DDX10: variants seen among roughly 807,000 people sequenced by gnomAD.
The protein encoded by DDX10 is DEAD-box helicase 10, also known as probable ATP-dependent RNA helicase DDX10.
In DDX10, 74 loss-of-function variants were observed where a neutral mutation model predicts 104.3. The ratio of observed to expected loss-of-function variants is 0.71; its 90% CI spans 0.59 to 0.86. The LOEUF (loss-of-function observed/expected upper bound fraction) is 0.86, where lower values mean the gene tolerates loss of function less well. DDX10 is among the 40% of genes least tolerant of loss of function. DDX10 has a pLI of 0.00. For synonymous variants in DDX10, 351 were observed against 353.4 expected (o/e 0.99, Z 0.08); for missense variants, 952 against 1,040.0 (o/e 0.92, Z 1.16).
chr11:108,757,854 T>A (rs2134511961), intron 13 of DDX10, among the ~76,000 whole-genome samples: 1 of 152,184 alleles, frequency 6.6e-6, no homozygotes, highest in East Asian at 1.9e-4. Context: ...GACTCTGTGA[T>A]CGATCTCTTA....
Position 108,784,848 on chromosome 11 carries a change from C to G in DDX10, c.1966-53598C>G, listed in dbSNP as rs189152211. Among the ~76,000 whole-genome samples, 136 of 152,158 alleles carry G rather than the reference C, an allele frequency of 8.9e-4. 1 individual carries two copies. Among genetic ancestry groups the G allele is most frequent in the South Asian group, 5.2e-3 (25 of 4,822 alleles). On this transcript the variant is annotated intron_variant, in intron 13 of 17. Transcript: ENST00000322536. ...AGGTCTTACATTTAAATCAGTAATC[C>G]ATCTTGAGTTAATTTTTGTATACAA... is the stretch of plus-strand genomic sequence containing the variant.
intron 15 of DDX10, among the ~76,000 whole-genome samples, chr11:108,843,471 G>A (rs1329373170): frequency 2.0e-5 from 3 of 146,496 alleles, no homozygotes; most frequent in Admixed American, 7.0e-5. Flanking sequence ...TAAAAAAATT[G>A]CACATTGGCT....
intron 16 of DDX10, among the ~76,000 whole-genome samples, chr11:108,872,828 C>T (rs904193629): frequency 2.7e-5 from 4 of 150,684 alleles, no homozygotes; most frequent in African/African-American, 4.9e-5. Context: ...GTTCCCCCCC[C>T]CTCCCATTTC....
intron 1 of DDX10, among the ~76,000 whole-genome samples, chr11:108,671,652 T>C (rs2094217174): frequency 6.6e-6 from 1 of 152,190 alleles, no homozygotes; most frequent in South Asian, 2.1e-4. Context: ...AAATGAATTA[T>C]TGTAGTTGTG....
chr11:108,926,281 GT>G (rs1863907397), intron 17 of DDX10, among the ~76,000 whole-genome samples: 1 of 150,538 alleles, frequency 6.6e-6, no homozygotes, highest in Non-Finnish European at 1.5e-5. Flanking sequence ...GGGTGTGCAT[GT>G]AGCACAGACA....
At chr11:108,838,971 A>G (rs1862599047) in intron 14 of DDX10, among the ~76,000 whole-genome samples, 2 of 152,196 alleles carry the variant, frequency 1.3e-5, no homozygotes, top group African/African-American at 4.8e-5. Context: ...GTACTTGCAT[A>G]TATCTTGCTG....
chr11:108,784,310 A>AT (rs1861757715), intron 13 of DDX10, among the ~76,000 whole-genome samples: 1 of 152,000 alleles, frequency 6.6e-6, no homozygotes, highest in Non-Finnish European at 1.5e-5. Context: ...AACATCTTTT[A>AT]TTTTTTTGAC....
At chr11:108,739,881 T>G (rs1414103811) in intron 13 of DDX10, among the ~76,000 whole-genome samples, 3 of 152,136 alleles carry the variant, frequency 2.0e-5, no homozygotes, top group Admixed American at 6.6e-5. Context: ...AGGACCAGTT[T>G]TCTTTGTATG....
At chr11:108,777,804 C>G (rs899901850) in intron 13 of DDX10, among the ~76,000 whole-genome samples, 2 of 152,158 alleles carry the variant, frequency 1.3e-5, no homozygotes, top group African/African-American at 4.8e-5. Context: ...CTCATCGTCT[C>G]AGCCCAAAAT....
At chr11:108,872,331 C>T (rs971768168) in intron 16 of DDX10, among the ~76,000 whole-genome samples, 3 of 152,152 alleles carry the variant, frequency 2.0e-5, no homozygotes, top group Non-Finnish European at 4.4e-5. Context: ...ATCTTCCTGT[C>T]TATAAAACAA....
At chr11:108,769,229 T>G (rs1474143677) in intron 13 of DDX10, among the ~76,000 whole-genome samples, 1 of 152,116 alleles carries the variant, frequency 6.6e-6, no homozygotes, top group Admixed American at 6.5e-5. Context: ...CTTGATATGT[T>G]TCCTTTGATT....
intron 13 of DDX10, among the ~76,000 whole-genome samples, chr11:108,734,171 T>G (rs12281684): frequency 0.052 from 7,934 of 152,192 alleles, 686 homozygotes; most frequent in African/African-American, 0.18. Flanking sequence ...CCATACCTGG[T>G]GATTTGTGTT....
At chr11:108,775,145 G>A (rs886945131) in intron 13 of DDX10, among the ~76,000 whole-genome samples, 1 of 152,280 alleles carries the variant, frequency 6.6e-6, no homozygotes. Context: ...TGAAAGAAGT[G>A]AAATAAATGT....
intron 6 of DDX10, among the ~76,000 whole-genome samples, chr11:108,684,176 C>T (rs368799223): frequency 0.02 from 529 of 26,462 alleles, no homozygotes; most frequent in Middle Eastern, 0.1. Context: ...TATAGATTTT[C>T]TTTTTTTTTT....
At chr11:108,770,251 C>T (rs2134525441) in intron 13 of DDX10, among the ~76,000 whole-genome samples, 1 of 152,246 alleles carries the variant, frequency 6.6e-6, no homozygotes, top group South Asian at 2.1e-4. Context: ...GGAGAATGGG[C>T]TATCTAGCCC....
intron 16 of DDX10, among the ~76,000 whole-genome samples, chr11:108,915,565 T>C (rs942596978): frequency 1.3e-5 from 2 of 152,118 alleles, no homozygotes; most frequent in African/African-American, 4.8e-5. Flanking sequence ...TCTATGTAAT[T>C]CAGTGAACAA....
intron 16 of DDX10, among the ~76,000 whole-genome samples, chr11:108,910,718 A>G (rs2134657166): frequency 2.1e-5 from 3 of 145,160 alleles, no homozygotes; most frequent in Admixed American, 6.9e-5. Flanking sequence ...TTAAGAGAGG[A>G]GCGTGCATGC....
intron 13 of DDX10, among the ~76,000 whole-genome samples, chr11:108,783,315 A>G (rs982449063): frequency 1.3e-5 from 2 of 152,176 alleles, no homozygotes; most frequent in South Asian, 4.1e-4. Flanking sequence ...AGTTTTAGCA[A>G]TGAGGGAATA....
chr11:108,907,313 C>G (rs1234970412), intron 16 of DDX10, among the ~76,000 whole-genome samples: 2 of 149,788 alleles, frequency 1.3e-5, no homozygotes, highest in African/African-American at 4.9e-5. Flanking sequence ...TTATCCTTCC[C>G]CAGCATCCTC....
Sources: allele counts gnomAD v4.1 joint callset (sites outside exome capture counted in the v4.1 genomes callset), GRCh38; gene constraint gnomAD v4.1.1; transcripts MANE v1.5; gene names NCBI Gene and HGNC (gene_info 2026-07-23, HGNC 2026-07-21).